Variants in GLRA2 observed in about 807,000 individuals in gnomAD.
The protein encoded by GLRA2 is glycine receptor alpha 2.
In GLRA2, 11 loss-of-function variants were observed where a neutral mutation model predicts 31.6. The ratio of observed to expected loss-of-function variants is 0.35; its 90% CI spans 0.22 to 0.58. The LOEUF (loss-of-function observed/expected upper bound fraction) is 0.58, where lower values mean the gene tolerates loss of function less well. Ranked by LOEUF, GLRA2 falls within the 20% of genes least tolerant of loss-of-function variation. GLRA2 has a pLI of 0.84. For synonymous variants in GLRA2, 132 were observed against 134.0 expected, an observed-to-expected ratio of 0.99 and a Z score of 0.10; for missense variants, 212 against 351.8, an observed-to-expected ratio of 0.60 and a Z score of 3.18.
the GLRA2 span, among the ~76,000 whole-genome samples, chrX:14,471,030 G>A: frequency 9.0e-6 from 1 of 111,489 alleles, no homozygotes; most frequent in African/African-American, 3.3e-5. Flanking sequence ...ATAAGAATTA[G>A]TGGTAGTAAT....
chrX:14,639,614 C>T (rs2090751797), intron 7 of GLRA2, among the ~76,000 whole-genome samples: 1 of 111,608 alleles, frequency 9.0e-6, no homozygotes, highest in Non-Finnish European at 1.9e-5. Flanking sequence ...AGTTCTGTGC[C>T]CTGTGCTTTC....
the GLRA2 span, among the ~76,000 whole-genome samples, chrX:14,505,444 A>G: frequency 9.0e-6 from 1 of 111,586 alleles, no homozygotes; most frequent in Non-Finnish European, 1.9e-5. Flanking sequence ...CTGTTGTTAT[A>G]TAATCCTGAG....
At chrX:14,533,959 G>GCTTGAA (rs2089289957) in intron 2 of GLRA2, among the ~76,000 whole-genome samples, 1 of 111,483 alleles carries the variant, frequency 9.0e-6, no homozygotes, top group Non-Finnish European at 1.9e-5. Context: ...AAGTTTACAA[G>GCTTGAA]CATCTTCTTT....
At chrX:14,529,365 T>G (rs1317115261), upstream of GLRA2, 1 of 107,586 alleles carries the variant, frequency 9.3e-6, no homozygotes, top group Non-Finnish European at 1.9e-5. Flanking sequence ...CCCTTCAGTA[T>G]CCCCTCGCTG....
At chrX:14,560,351 T>G (rs992373822) in intron 2 of GLRA2, among the ~76,000 whole-genome samples, 2 of 111,835 alleles carry the variant, frequency 1.8e-5, no homozygotes, top group African/African-American at 6.5e-5. Flanking sequence ...ATCTTGGAAC[T>G]CAAAGATTTC....
the GLRA2 span, among the ~76,000 whole-genome samples, chrX:14,454,931 A>G: frequency 8.9e-6 from 1 of 112,424 alleles, no homozygotes; most frequent in Admixed American, 9.5e-5. Flanking sequence ...TTTATTCAAC[A>G]TTTCTAATTA....
chrX:14,489,226 C>G, the GLRA2 span, among the ~76,000 whole-genome samples: 1 of 111,518 alleles, frequency 9.0e-6, no homozygotes, highest in Non-Finnish European at 1.9e-5. Flanking sequence ...ATGTTATAAT[C>G]AACTAATAAC....
At chrX:14,458,769 T>G in the GLRA2 span, among the ~76,000 whole-genome samples, 1 of 111,921 alleles carries the variant, frequency 8.9e-6, no homozygotes, top group East Asian at 2.8e-4. Context: ...ATTCTGGATA[T>G]TAGCCCTTTG....
At chrX:14,631,260 T>C (rs966429894) in intron 7 of GLRA2, among the ~76,000 whole-genome samples, 2 of 111,872 alleles carry the variant, frequency 1.8e-5, no homozygotes, top group African/African-American at 6.5e-5. Flanking sequence ...GTCTTTTTTA[T>C]GTCTTCCATG....
chrX:14,722,181 A>T (rs1320798656), intron 8 of GLRA2, among the ~76,000 whole-genome samples: 1 of 112,005 alleles, frequency 8.9e-6, no homozygotes, highest in African/African-American at 3.2e-5. Context: ...GTGTGTTAAG[A>T]ATTTGGGAAG....
At chrX:14,712,223 T>C (rs2091722366) in intron 8 of GLRA2, among the ~76,000 whole-genome samples, 1 of 112,508 alleles carries the variant, frequency 8.9e-6, no homozygotes, top group Non-Finnish European at 1.9e-5. Context: ...AATTCATGCT[T>C]TGTGGTGGGG....
At chrX:14,728,951 G>A (rs1184543359) in intron 8 of GLRA2, among the ~76,000 whole-genome samples, 13 of 112,191 alleles carry the variant, frequency 1.2e-4, no homozygotes, top group Non-Finnish European at 1.9e-4. Context: ...GTAATTAACT[G>A]AAATAGTTCT....
the GLRA2 span, among the ~76,000 whole-genome samples, chrX:14,456,544 G>A: frequency 2.7e-5 from 3 of 111,438 alleles, no homozygotes; most frequent in African/African-American, 6.5e-5. Flanking sequence ...GTGTCCTCTG[G>A]TCTACTTTTT....
At chrX:14,616,831 AAAGT>A (rs2090459681) in intron 7 of GLRA2, among the ~76,000 whole-genome samples, 1 of 112,172 alleles carries the variant, frequency 8.9e-6, no homozygotes, top group African/African-American at 3.2e-5. Context: ...TAAAGATTAA[AAAGT>A]AAGAAAGCCA....
At chrX:14,662,249 A>AACAC (rs746131304) in intron 7 of GLRA2, among the ~76,000 whole-genome samples, 3,024 of 109,638 alleles carry the variant, frequency 0.028, 71 homozygotes, top group African/African-American at 0.077. Flanking sequence ...AGCAGAATAA[A>AACAC]ACACACACAC....
At chrX:14,645,903 C>T (rs2090825550) in intron 7 of GLRA2, among the ~76,000 whole-genome samples, 1 of 111,789 alleles carries the variant, frequency 8.9e-6, no homozygotes, top group East Asian at 2.8e-4. Flanking sequence ...ATTTAGTCTA[C>T]AAAAAATTAG....
chrX:14,621,139 A>G (rs1278069684), intron 7 of GLRA2, among the ~76,000 whole-genome samples: 1 of 111,549 alleles, frequency 9.0e-6, no homozygotes, highest in African/African-American at 3.3e-5. Flanking sequence ...GACAGTGTTC[A>G]GTGGCTCCTG....
At chrX:14,463,062 T>G in the GLRA2 span, among the ~76,000 whole-genome samples, 3 of 111,881 alleles carry the variant, frequency 2.7e-5, no homozygotes, top group Non-Finnish European at 5.6e-5. Context: ...ATGTTGATGC[T>G]ATTCCTTTCT....
chrX:14,549,072 G>A (rs1454623484), intron 2 of GLRA2, among the ~76,000 whole-genome samples: 1 of 112,024 alleles, frequency 8.9e-6, no homozygotes, highest in Non-Finnish European at 1.9e-5. Flanking sequence ...CCGTGGTACA[G>A]GAGAACTCAG....
Sources: allele counts gnomAD v4.1 joint callset (sites outside exome capture counted in the v4.1 genomes callset), GRCh38; gene constraint gnomAD v4.1.1; transcripts MANE v1.5; gene names NCBI Gene and HGNC (gene_info 2026-07-23, HGNC 2026-07-21).